Variants in SNTG1 observed in about 807,000 individuals in gnomAD.
SNTG1 encodes syntrophin gamma 1, also known as gamma-1-syntrophin.
Under a neutral mutation model 74.7 loss-of-function variants are expected in SNTG1, and 39 were observed. The ratio of observed to expected loss-of-function variants is 0.52; its 90% confidence interval spans 0.40 to 0.68. The LOEUF is 0.68. Among genes scored for constraint, SNTG1 ranks in the 30% least tolerant of loss-of-function variants. The pLI is 0.00. For synonymous variants in SNTG1, 254 were observed against 217.1 expected (o/e 1.17, Z -1.49); for missense variants, 685 against 609.5 (o/e 1.12, Z -1.30).
chr8:50,602,177 G>C (rs1182904545), intron 13 of SNTG1, among the ~76,000 whole-genome samples: 1 of 151,812 alleles, frequency 6.6e-6, no homozygotes, highest in South Asian at 2.1e-4. Flanking sequence ...TTGTTGTTTT[G>C]TGGTCTTCTC....
intron 8 of SNTG1, among the ~76,000 whole-genome samples, chr8:50,482,547 A>G (rs2093749583): frequency 6.6e-6 from 1 of 152,170 alleles, no homozygotes; most frequent in Non-Finnish European, 1.5e-5. Flanking sequence ...TAAAATCTCT[A>G]ACAGAACATA....
intron 18 of SNTG1, among the ~76,000 whole-genome samples, chr8:50,765,368 T>C (rs1440130308): frequency 6.6e-6 from 1 of 152,006 alleles, no homozygotes; most frequent in Non-Finnish European, 1.5e-5. Flanking sequence ...CTGCATCCAT[T>C]GGTATTTCTG....
At chr8:50,292,789 A>C (rs964103992) in intron 2 of SNTG1, among the ~76,000 whole-genome samples, 1 of 152,166 alleles carries the variant, frequency 6.6e-6, no homozygotes, top group East Asian at 1.9e-4. Flanking sequence ...GTATATTTTA[A>C]TATTTAGTTA....
At chr8:50,522,577 CTTTTTT>C (rs34011488) in intron 9 of SNTG1, among the ~76,000 whole-genome samples, 2 of 127,100 alleles carry the variant, frequency 1.6e-5, no homozygotes, top group African/African-American at 3.0e-5. Context: ...GACTTCCTTC[CTTTTTT>C]TTTTTTTTTT....
chr8:50,624,988 G>A (rs868002987), intron 13 of SNTG1, among the ~76,000 whole-genome samples: 1 of 152,240 alleles, frequency 6.6e-6, no homozygotes. Flanking sequence ...CTTGGCACTT[G>A]CTTTCCAAAA....
chr8:50,199,428 G>T (rs1006025290), intron 2 of SNTG1, among the ~76,000 whole-genome samples: 9 of 152,008 alleles, frequency 5.9e-5, no homozygotes, highest in Non-Finnish European at 1.3e-4. Flanking sequence ...ATGTTGGCCA[G>T]GCTGGTCTCG....
intron 1 of SNTG1, among the ~76,000 whole-genome samples, chr8:49,961,415 T>C (rs1469514949): frequency 2.0e-5 from 3 of 152,210 alleles, no homozygotes; most frequent in Non-Finnish European, 2.9e-5. Flanking sequence ...TTCTAACCTG[T>C]AGAAACTTGG....
intron 9 of SNTG1, among the ~76,000 whole-genome samples, chr8:50,520,512 G>C (rs541330095): frequency 1.3e-5 from 2 of 151,928 alleles, no homozygotes; most frequent in African/African-American, 4.8e-5. Flanking sequence ...GCAACCTACA[G>C]AATGGGAGAA....
chr8:50,526,436 T>C (rs906583204), intron 9 of SNTG1, among the ~76,000 whole-genome samples: 1 of 152,152 alleles, frequency 6.6e-6, no homozygotes, highest in Non-Finnish European at 1.5e-5. Context: ...GTGGCTGCTC[T>C]TGGCTTTGAG....
At chr8:50,730,243 T>C (rs75301884) in intron 17 of SNTG1, among the ~76,000 whole-genome samples, 2 of 152,218 alleles carry the variant, frequency 1.3e-5, no homozygotes, top group East Asian at 3.9e-4. Flanking sequence ...TGCTTAGTTT[T>C]CTCTGCTAAG....
chr8:50,157,503 A>T (rs1157158636), intron 1 of SNTG1, among the ~76,000 whole-genome samples: 1 of 152,122 alleles, frequency 6.6e-6, no homozygotes, highest in Admixed American at 6.5e-5. Flanking sequence ...CAAAATACAT[A>T]TTATTCAACA....
intron 13 of SNTG1, among the ~76,000 whole-genome samples, chr8:50,656,299 G>A (rs890497539): frequency 3.3e-5 from 5 of 152,048 alleles, no homozygotes; most frequent in Admixed American, 6.6e-5. Flanking sequence ...TTTGGAAATC[G>A]ATCTGCCTTT....
intron 2 of SNTG1, among the ~76,000 whole-genome samples, chr8:50,196,729 G>A (rs1027193700): frequency 1.2e-4 from 18 of 151,696 alleles, no homozygotes; most frequent in Admixed American, 4.0e-4. Flanking sequence ...AGCTGAGGCC[G>A]GTGGATCACT....
chr8:50,647,398 A>G (rs1197750574), intron 13 of SNTG1, among the ~76,000 whole-genome samples: 1 of 152,002 alleles, frequency 6.6e-6, no homozygotes, highest in Non-Finnish European at 1.5e-5. Context: ...AACAGGCAAA[A>G]TACCTGAACA....
intron 12 of SNTG1, among the ~76,000 whole-genome samples, chr8:50,566,457 G>A (rs1378897935): frequency 6.6e-6 from 1 of 151,882 alleles, no homozygotes; most frequent in African/African-American, 2.4e-5. Context: ...TCTTTTATAA[G>A]TCTACAACGT....
At chr8:50,405,032 C>T (rs1373047790) in intron 4 of SNTG1, among the ~76,000 whole-genome samples, 1 of 152,026 alleles carries the variant, frequency 6.6e-6, no homozygotes, top group Non-Finnish European at 1.5e-5. Flanking sequence ...ATTTATACCA[C>T]CTTTTGTTTA....
intron 1 of SNTG1, among the ~76,000 whole-genome samples, chr8:50,101,879 G>T (rs971105208): frequency 6.6e-6 from 1 of 152,068 alleles, no homozygotes; most frequent in Non-Finnish European, 1.5e-5. Context: ...CCCTACAAAG[G>T]ACACGAACTC....
At chr8:50,090,262 G>A (rs2079670460) in intron 1 of SNTG1, among the ~76,000 whole-genome samples, 1 of 152,146 alleles carries the variant, frequency 6.6e-6, no homozygotes, top group African/African-American at 2.4e-5. Context: ...TTAAATAAAA[G>A]GGGAATTGGT....
At chr8:50,647,786 T>C in intron 13 of SNTG1, among the ~76,000 whole-genome samples, 1 of 152,298 alleles carries the variant, frequency 6.6e-6, no homozygotes, top group Middle Eastern at 3.4e-3. Context: ...ATGATAGATG[T>C]TTGGAAGTCC....
Sources: allele counts gnomAD v4.1 joint callset (sites outside exome capture counted in the v4.1 genomes callset), GRCh38; gene constraint gnomAD v4.1.1; transcripts MANE v1.5; gene names NCBI Gene and HGNC (gene_info 2026-07-23, HGNC 2026-07-21).